Variants in SLC9D1 observed in about 807,000 individuals in gnomAD.
The protein encoded by SLC9D1 is solute carrier family 9 member D1.
the SLC9D1 span, among the ~76,000 whole-genome samples, chr13:113,548,964 C>A: frequency 7.2e-5 from 11 of 152,258 alleles, no homozygotes; most frequent in South Asian, 1.0e-3. Context: ...GGAAGCTCCA[C>A]CTGAGGCCTG....
chr13:113,539,454 C>G, the SLC9D1 span: 3 of 1,613,688 alleles, frequency 1.9e-6, no homozygotes, highest in Non-Finnish European at 8.5e-7. This position sits in a 1 kb window ranked among gnomAD's most constrained non-coding sequence, Gnocchi z 4.8. Context: ...GAGATCGCCA[C>G]CTCCATCGAA....
the SLC9D1 span, among the ~76,000 whole-genome samples, chr13:113,491,519 CCTCT>C: frequency 1.3e-4 from 20 of 150,500 alleles, no homozygotes; most frequent in Admixed American, 4.6e-4. Flanking sequence ...GGGCTCCCCT[CCTCT>C]CTCTCCCTCC....
the SLC9D1 span, chr13:113,499,971 A>G: frequency 2.0e-6 from 3 of 1,512,948 alleles, no homozygotes; most frequent in Non-Finnish European, 2.7e-6. Context: ...AAGGGGGTCA[A>G]TTTTGAGGCA....
At chr13:113,548,956 A>G in the SLC9D1 span, among the ~76,000 whole-genome samples, 2 of 152,132 alleles carry the variant, frequency 1.3e-5, no homozygotes, top group Non-Finnish European at 2.9e-5. Flanking sequence ...TGCTTACAGG[A>G]AGCTCCACCT....
At chr13:113,539,465 C>G in the SLC9D1 span, 3 of 1,613,540 alleles carry the variant, frequency 1.9e-6, no homozygotes. The surrounding 1 kb of genome is among the most constrained non-coding windows in gnomAD (Gnocchi z 4.8). Context: ...CTCCATCGAA[C>G]CCATCCGCGA....
chr13:113,547,993 C>A, the SLC9D1 span, among the ~76,000 whole-genome samples: 1 of 149,004 alleles, frequency 6.7e-6, no homozygotes, highest in Non-Finnish European at 1.5e-5. Flanking sequence ...CCTTGAGTAC[C>A]CCACGCTTAA....
chr13:113,549,805 G>C, the SLC9D1 span: 14 of 593,212 alleles, frequency 2.4e-5, no homozygotes, highest in Middle Eastern at 3.3e-4. Context: ...TGTGGTGCCT[G>C]GATGTGCCTT....
chr13:113,496,641 TTAAA>T, the SLC9D1 span, among the ~76,000 whole-genome samples: 1 of 152,200 alleles, frequency 6.6e-6, no homozygotes, highest in Admixed American at 6.5e-5. Context: ...GCCAAGCCCT[TTAAA>T]TATATAAAGT....
the SLC9D1 span, among the ~76,000 whole-genome samples, chr13:113,515,314 G>C: frequency 6.6e-6 from 1 of 152,204 alleles, no homozygotes; most frequent in African/African-American, 2.4e-5. Flanking sequence ...GTAGCATGGA[G>C]GGAAAGATAG....
chr13:113,500,063 A>C, the SLC9D1 span: 2 of 1,598,826 alleles, frequency 1.3e-6, no homozygotes, highest in Non-Finnish European at 1.7e-6. Flanking sequence ...GGGTCTTAGC[A>C]TGCTGATTGA....
At chr13:113,548,266 C>T in the SLC9D1 span, 26 of 1,609,538 alleles carry the variant, frequency 1.6e-5, no homozygotes, top group Non-Finnish European at 2.1e-5. Flanking sequence ...TGTGTGGGTC[C>T]AGTCTTCAGC....
At chr13:113,523,373 G>T in the SLC9D1 span, among the ~76,000 whole-genome samples, 8 of 152,086 alleles carry the variant, frequency 5.3e-5, no homozygotes, top group Admixed American at 4.6e-4. Context: ...TCATATTGTT[G>T]AGTTGTGGTA....
the SLC9D1 span, among the ~76,000 whole-genome samples, chr13:113,542,646 G>A: frequency 6.6e-6 from 1 of 152,158 alleles, no homozygotes; most frequent in Non-Finnish European, 1.5e-5. Flanking sequence ...CCTTGTCAGG[G>A]TCTGTGGAGC....
At chr13:113,503,345 T>TTGTGTGTG in the SLC9D1 span, 325 of 476,252 alleles carry the variant, frequency 6.8e-4, 1 homozygote, top group Middle Eastern at 3.5e-3. Context: ...CACTGTGTGA[T>TTGTGTGTG]TGTGTGTGTG....
chr13:113,539,596 A>G, the SLC9D1 span: 2 of 1,364,158 alleles, frequency 1.5e-6, no homozygotes, highest in Non-Finnish European at 1.0e-6. The surrounding 1 kb of genome is among the most constrained non-coding windows in gnomAD (Gnocchi z 4.8). Flanking sequence ...ATATTTATAT[A>G]GCAAAAATGG....
At chr13:113,540,764 C>T in the SLC9D1 span, among the ~76,000 whole-genome samples, 1 of 152,210 alleles carries the variant, frequency 6.6e-6, no homozygotes, top group Admixed American at 6.5e-5. Context: ...GTTACCGTTG[C>T]GATTGCGTTT....
chr13:113,549,234 C>T, the SLC9D1 span, among the ~76,000 whole-genome samples: 1 of 151,584 alleles, frequency 6.6e-6, no homozygotes, highest in Admixed American at 6.6e-5. Flanking sequence ...CTCGGCATGA[C>T]CGCGCTTAGC....
At chr13:113,540,265 A>G in the SLC9D1 span, among the ~76,000 whole-genome samples, 1 of 152,074 alleles carries the variant, frequency 6.6e-6, no homozygotes, top group African/African-American at 2.4e-5. Flanking sequence ...CAGCAGTGGG[A>G]TTGCTGGGTC....
the SLC9D1 span, chr13:113,550,060 C>G: frequency 2.2e-5 from 4 of 180,466 alleles, no homozygotes; most frequent in South Asian, 3.8e-4. Flanking sequence ...ATACGGATGT[C>G]TATTTGCCTT....
Sources: gnomAD v4.1 joint callset for allele counts (sites outside exome capture counted in the v4.1 genomes callset) on GRCh38, gnomAD v4.1.1 for gene constraint, Gnocchi (gnomAD v3.1) non-coding constraint, MANE v1.5 for transcripts, NCBI Gene and HGNC (gene_info 2026-07-23, HGNC 2026-07-21) for gene names.